MAMDC2: variants seen among roughly 807,000 people sequenced by gnomAD.
MAMDC2 encodes the protein MAM domain containing 2.
Under a neutral mutation model 89.8 loss-of-function variants are expected in MAMDC2, and 57 were observed. The ratio of observed to expected loss-of-function variants is 0.63; its 90% confidence interval spans 0.51 to 0.79. The LOEUF is 0.79. Among genes scored for constraint, MAMDC2 ranks in the 30% least tolerant of loss-of-function variants. The pLI, the probability that MAMDC2 is intolerant of heterozygous loss-of-function variation, is 0.00. For synonymous variants in MAMDC2, 313 were observed against 293.4 expected (o/e 1.07, Z -0.68); for missense variants, 800 against 820.6 (o/e 0.97, Z 0.31).
intron 2 of MAMDC2, among the ~76,000 whole-genome samples, chr9:70,101,132 G>A (rs1012343085): frequency 5.3e-5 from 8 of 151,982 alleles, no homozygotes; most frequent in Admixed American, 5.2e-4. Context: ...TTGTGTCTTT[G>A]TTTTTAACAA....
chr9:70,102,604 G>A (rs1438207805), intron 2 of MAMDC2, among the ~76,000 whole-genome samples: 2 of 152,204 alleles, frequency 1.3e-5, no homozygotes, highest in African/African-American at 2.4e-5. Flanking sequence ...TCTGATGCCT[G>A]CATGTGACAA....
intron 2 of MAMDC2, chr9:70,085,911 A>G (rs141833141): frequency 6.6e-4 from 100 of 152,244 alleles, no homozygotes; most frequent in African/African-American, 1.9e-3. Flanking sequence ...ACCTAGTTAT[A>G]CAGAGACTAT....
intron 7 of MAMDC2, among the ~76,000 whole-genome samples, chr9:70,139,691 G>A (rs961337931): frequency 6.6e-6 from 1 of 152,080 alleles, no homozygotes; most frequent in Non-Finnish European, 1.5e-5. Flanking sequence ...CTGAGGAATC[G>A]CCACACTGAC....
chr9:70,046,376 A>C (rs1826752802), intron 2 of MAMDC2, among the ~76,000 whole-genome samples: 1 of 152,220 alleles, frequency 6.6e-6, no homozygotes. Flanking sequence ...GCAGGACCCG[A>C]GAGTGAACAG....
At chr9:70,141,187 G>A (rs925108950) in intron 8 of MAMDC2, among the ~76,000 whole-genome samples, 1 of 152,160 alleles carries the variant, frequency 6.6e-6, no homozygotes, top group Non-Finnish European at 1.5e-5. Context: ...CTTAGAGGTT[G>A]CCTAACCTGT....
intron 9 of MAMDC2, chr9:70,168,498 T>C (rs1178280504): frequency 1.0e-5 from 5 of 494,136 alleles, no homozygotes; most frequent in South Asian, 2.5e-5. Flanking sequence ...TCTCAAAAAT[T>C]AACAATAATA....
intron 6 of MAMDC2, among the ~76,000 whole-genome samples, chr9:70,127,941 G>A (rs546019062): frequency 7.2e-4 from 110 of 152,050 alleles, no homozygotes; most frequent in Admixed American, 4.1e-3. Context: ...AAACTCCTTG[G>A]GCAACATTTG....
chr9:70,170,351 C>G, intron 10 of MAMDC2, 128 bp from the exon 11 acceptor site: 1 of 1,048,032 alleles, frequency 9.5e-7, no homozygotes, highest in Non-Finnish European at 1.3e-6. Context: ...GGTGGGCCAC[C>G]AGTGGGGGCT....
intron 2 of MAMDC2, among the ~76,000 whole-genome samples, chr9:70,066,933 C>T (rs1465710857): frequency 6.6e-6 from 1 of 152,194 alleles, no homozygotes. Flanking sequence ...ACCTCTGTCA[C>T]TCCTCCTTGT....
chr9:70,055,845 T>C (rs947636793), intron 2 of MAMDC2, among the ~76,000 whole-genome samples: 1 of 152,252 alleles, frequency 6.6e-6, no homozygotes, highest in East Asian at 1.9e-4. Context: ...GGAGTATTCC[T>C]AAACTTCAAG....
chr9:70,169,961 T>C (rs1368724482), intron 10 of MAMDC2: 3 of 152,404 alleles, frequency 2.0e-5, no homozygotes, highest in Admixed American at 2.0e-4. Flanking sequence ...ACATTAGAGA[T>C]AAGAACTCTA....
intron 2 of MAMDC2, among the ~76,000 whole-genome samples, chr9:70,102,346 G>C (rs1828218491): frequency 6.6e-6 from 1 of 152,118 alleles, no homozygotes; most frequent in East Asian, 1.9e-4. Context: ...CTGAAGGACG[G>C]GGCATTCGGC....
chr9:70,044,239 C>G lies in MAMDC2; in HGVS notation c.34+8C>G. ...TCCTCCTGGCGTTGCAAGGTAAGGCCTGGACCCCGGGACAACCCCGGGGGC... is the reference window on the plus strand; with the variant it reads ...TCCTCCTGGCGTTGCAAGGTAAGGCGTGGACCCCGGGACAACCCCGGGGGC... On this transcript the variant is annotated splice_region_variant and intron_variant, in intron 1 of 13. Transcript: ENST00000377182. 6.2e-7 allele frequency: 1 copy of G among 1,612,636 alleles called. No homozygotes were observed. Among genetic ancestry groups the G allele is most frequent in the African/African-American group, 1.3e-5 (1 of 75,060 alleles).
intron 2 of MAMDC2, among the ~76,000 whole-genome samples, chr9:70,091,646 T>C (rs1233976359): frequency 8.5e-5 from 13 of 152,226 alleles, no homozygotes; most frequent in Admixed American, 7.2e-4. Flanking sequence ...AGGCAGCAGA[T>C]ACTCTCTGAG....
intron 8 of MAMDC2, among the ~76,000 whole-genome samples, chr9:70,143,051 A>T (rs753061381): frequency 2.0e-5 from 3 of 152,190 alleles, no homozygotes; most frequent in Admixed American, 6.5e-5. Flanking sequence ...TTAACATTTG[A>T]CCAAGAGAGG....
intron 2 of MAMDC2, among the ~76,000 whole-genome samples, chr9:70,071,170 C>CA (rs1000275489): frequency 6.6e-6 from 1 of 152,090 alleles, no homozygotes; most frequent in African/African-American, 2.4e-5. Context: ...ATAGTGTGTG[C>CA]TTTACCATAT....
At chr9:70,221,407 A>AGAGAGAGAGAGAGAGAGAGAGAGAGG (rs1491076799) in intron 12 of MAMDC2, among the ~76,000 whole-genome samples, 4 of 119,938 alleles carry the variant, frequency 3.3e-5, no homozygotes, top group African/African-American at 1.3e-4. Flanking sequence ...AGAGAGAGAG[A>AGAGAGAGAGAGAGAGAGAGAGAGAGG]GTAACATCAG....
chr9:70,164,717 T>C (rs1362988103), intron 9 of MAMDC2, among the ~76,000 whole-genome samples: 2 of 151,994 alleles, frequency 1.3e-5, no homozygotes, highest in African/African-American at 2.4e-5. Flanking sequence ...GGCGTGATCA[T>C]GGCTCACTGC....
intron 2 of MAMDC2, chr9:70,081,610 G>A (rs892252325): frequency 5.9e-5 from 9 of 152,006 alleles, no homozygotes; most frequent in African/African-American, 2.2e-4. Flanking sequence ...AAAATTAGGG[G>A]ATATTAAAAA....
Sources: gnomAD v4.1 joint callset for allele counts (sites outside exome capture counted in the v4.1 genomes callset) on GRCh38, gnomAD v4.1.1 for gene constraint, MANE v1.5 for transcripts, NCBI Gene and HGNC (gene_info 2026-07-23, HGNC 2026-07-21) for gene names.